The following SYNE1 variants were observed in gnomAD, a reference collection of about 807,000 sequenced individuals.
SYNE1 encodes nesprin-1.
A neutral mutation model predicts 1,111.0 loss-of-function variants in SYNE1; 616 were observed. That is an observed-to-expected ratio of 0.55 (90% confidence interval 0.52 to 0.59). The LOEUF is 0.59. Ranked by LOEUF, SYNE1 falls within the 20% of genes least tolerant of loss-of-function variation. The probability of loss-of-function intolerance (pLI) is 0.00; values close to 1 mark genes in which losing one functional copy is unlikely to be tolerated. For missense variants in SYNE1, 10,006 were observed against 10,417.0 expected, an observed-to-expected ratio of 0.96 and a Z score of 1.72; for synonymous variants, 3,855 against 3,825.8, an observed-to-expected ratio of 1.01 and a Z score of -0.28.
chr6:152,577,460 G>A (rs1231656727), intron 3 of SYNE1, among the ~76,000 whole-genome samples: 1 of 152,054 alleles, frequency 6.6e-6, no homozygotes, highest in Non-Finnish European at 1.5e-5. Context: ...GTGAAACCCC[G>A]TCTCTACTAA....
chr6:152,513,883 A>G (rs1426881951), intron 6 of SYNE1, among the ~76,000 whole-genome samples: 2 of 152,206 alleles, frequency 1.3e-5, no homozygotes, highest in Non-Finnish European at 2.9e-5. Context: ...AAAAAAGCTC[A>G]TCATCACTGG....
At chr6:152,609,048 A>G (rs1427727582) in intron 3 of SYNE1, among the ~76,000 whole-genome samples, 1 of 152,120 alleles carries the variant, frequency 6.6e-6, no homozygotes. Context: ...TCCCAGAGTG[A>G]TCGACACAGA....
rs2098917956 is a variant in SYNE1, at chr6:152,483,097, A to G, written c.1338T>C (p.Leu446=). 12 of 1,614,150 alleles carry G rather than the reference A, an allele frequency of 7.4e-6. No individual in the cohort carries two copies. Among genetic ancestry groups the G allele is most frequent in the Non-Finnish European group, 1.0e-5 (12 of 1,180,018 alleles). ...EETANTIQRK[L]EQHKDLLQNT... ...CCAGAATTTTTACCTTATGTTGCTC[A>G]AGTTTCCGTTGTATCGTGTTTGCTG... The change falls in exon 14 of 146, where the codon CTT becomes CTC. Residue 446 remains leucine, a synonymous_variant. Transcript: ENST00000367255.
At chr6:152,334,349 T>C (rs2096327571) in intron 76 of SYNE1, 76 bp from the exon 77 acceptor site, 12 of 1,522,832 alleles carry the variant, frequency 7.9e-6, no homozygotes, top group Non-Finnish European at 1.1e-5. Flanking sequence ...AACACAGACA[T>C]AAGACCTTTA....
chr6:152,544,009 C>T (rs1185867666), intron 3 of SYNE1, among the ~76,000 whole-genome samples: 1 of 152,196 alleles, frequency 6.6e-6, no homozygotes, highest in African/African-American at 2.4e-5. Context: ...TTAAGCTACA[C>T]ATGACTTTAT....
At position 152,566,777 on chromosome 6, in the gene SYNE1, C is replaced by T. The variant is rs1042491061; in HGVS notation, c.68-26756G>A. Among the ~76,000 whole-genome samples the T allele has an allele frequency of 3.3e-5, 5 of 152,274 alleles. No individual in the cohort carries two copies. In the South Asian group the frequency reaches 8.3e-4, roughly 25 times the overall value. On this transcript the variant is annotated intron_variant, in intron 3 of 145. Transcript: ENST00000367255. ...ACAACCGCAGTTGTAAGAGTGACTT[C>T]CATTATTTAAGGGCCTAATCTCGGG...
Position 152,436,116 on chromosome 6 carries a change from A to G in SYNE1, c.4150-15T>C. The G allele has an allele frequency of 1.2e-6, 2 of 1,613,306 alleles. No individual in the cohort carries two copies. The highest frequency in any genetic ancestry group is 2.7e-5 in the African/African-American group (2 of 74,988). On this transcript the variant is annotated splice_polypyrimidine_tract_variant and intron_variant, in intron 32 of 145. Transcript: ENST00000367255. Reference sequence around the variant, plus strand: ...TTAGAAAACTCCTAGAAAAAATATTATGATCATTAGGTAGGCACTTTATAT... The same window carrying G: ...TTAGAAAACTCCTAGAAAAAATATTGTGATCATTAGGTAGGCACTTTATAT...
chr6:152,148,438 G>T lies in SYNE1; in HGVS notation c.24643-60C>A. The T allele has an allele frequency of 6.6e-7, 1 of 1,514,156 alleles. No individual in the cohort carries two copies. 93.8% of individuals were successfully genotyped at this position (1,514,156 alleles called of 1,614,324 possible). ...GTGGTCAGACTAGCTTCTTATCTGG[G>T]CCACCTGCCTACCATGTGGGGACAA... On this transcript the variant is annotated intron_variant, in intron 136 of 145. Transcript: ENST00000367255. The surrounding 1 kb of genome is among the most constrained non-coding windows in gnomAD (Gnocchi z 4.1).
intron 16 of SYNE1, among the ~76,000 whole-genome samples, chr6:152,466,329 G>T (rs1022191071): frequency 2.0e-5 from 3 of 152,126 alleles, no homozygotes; most frequent in Admixed American, 6.6e-5. Context: ...CCAACCAAGG[G>T]TTTGCTTTTT....
rs112266645 is a variant in SYNE1 at position 152,330,822 on chromosome 6, C to A, written c.13863G>T (p.Thr4621=). The change falls in exon 78 of 146, where the codon ACG becomes ACT. Residue 4621 remains threonine (T), a synonymous_variant. Transcript: ENST00000367255. The stretch of plus-strand genomic sequence containing the variant: ...ATATGGTCTGCCCAGTTCTCTGCAG[C>A]GTAAGTAGAAGATTTTCATATTCTG... The part of the protein sequence containing the change: ...QSPEYENLLL[T]LQRTGQTILP... 6.2e-7 allele frequency: 1 copy of A among 1,613,894 alleles called. No individual in the cohort carries two copies. Among genetic ancestry groups the A allele is most frequent in the South Asian group, 1.1e-5 (1 of 91,080 alleles).
rs1219773611 is a variant in SYNE1 at position 152,412,736 on chromosome 6, A to G, written c.6230+616T>C. ...TTTAGTGTGTTTAAATTATACCTCA[A>G]TTACAAACAAGTACAACAAAACAAA... On this transcript the variant is annotated intron_variant, in intron 42 of 145. Transcript: ENST00000367255. 1.1e-4 allele frequency among the ~76,000 whole-genome samples: 16 copies of G among 143,472 alleles called. 1 individual carries two copies. Among genetic ancestry groups the G allele is most frequent in the Non-Finnish European group, 6.0e-5 (4 of 66,842 alleles). The allele number at this position is 143,472 out of a possible 152,430, so 94.1% of individuals were successfully genotyped here.
chr6:152,520,362 C>G, intron 6 of SYNE1, 97 bp downstream of exon 6: 1 of 1,130,284 alleles, frequency 8.8e-7, no homozygotes, highest in Non-Finnish European at 1.3e-6. Context: ...AGATTACATG[C>G]CATCCTCCTA....
intron 48 of SYNE1, 152 bp downstream of exon 48, chr6:152,399,464 C>A: frequency 3.3e-6 from 3 of 917,080 alleles, no homozygotes; most frequent in Non-Finnish European, 5.4e-6. Context: ...TCCAGCACAG[C>A]ACTTCTATTG....
rs1261087337 is a variant in SYNE1 at position 152,461,582 on chromosome 6, A to T, written c.2394+15T>A. 11 of 1,613,950 alleles carry T rather than the reference A, an allele frequency of 6.8e-6. No homozygotes were observed. Among genetic ancestry groups the T allele is most frequent in the Non-Finnish European group, 9.3e-6 (11 of 1,179,880 alleles). On this transcript the variant is annotated intron_variant, in intron 21 of 145. Coordinates refer to ENST00000367255, the MANE Select transcript of SYNE1 (RefSeq NM_182961.4). Reference sequence around the variant, plus strand: ...GGTGTCACACAGCCTATTGTGCATTAAATTATTTTCGCACCTTGGTTAGCT... The same window carrying T: ...GGTGTCACACAGCCTATTGTGCATTTAATTATTTTCGCACCTTGGTTAGCT...
At chr6:152,263,712 G>C (rs1484434281) in intron 100 of SYNE1, among the ~76,000 whole-genome samples, 6 of 151,928 alleles carry the variant, frequency 3.9e-5, no homozygotes, top group African/African-American at 1.5e-4. Flanking sequence ...TTAACTTTTA[G>C]AGTGAGACAG....
intron 14 of SYNE1, among the ~76,000 whole-genome samples, chr6:152,482,385 G>A (rs996946680): frequency 6.6e-6 from 1 of 152,142 alleles, no homozygotes; most frequent in Non-Finnish European, 1.5e-5. Context: ...TTGCCCATGT[G>A]TAGTCAGGAG....
chr6:152,326,161 G>A, intron 79 of SYNE1, 59 bp from the exon 80 acceptor site: 1 of 1,613,454 alleles, frequency 6.2e-7, no homozygotes, highest in East Asian at 2.2e-5. Flanking sequence ...TCTACACGAA[G>A]CTCTGGTGTC....
chr6:152,427,295 C>T (rs1309813716), intron 38 of SYNE1, among the ~76,000 whole-genome samples: 1 of 152,128 alleles, frequency 6.6e-6, no homozygotes, highest in Non-Finnish European at 1.5e-5. Context: ...CCCTTTATTG[C>T]CCAAACGTCA....
intron 41 of SYNE1, among the ~76,000 whole-genome samples, chr6:152,416,132 T>C (rs111969298): frequency 1.6e-4 from 25 of 152,314 alleles, no homozygotes; most frequent in African/African-American, 6.0e-4. Flanking sequence ...GCACTTTACC[T>C]AAGACAAGGT....
Sources: gnomAD v4.1 joint callset for allele counts (sites outside exome capture counted in the v4.1 genomes callset) on GRCh38, gnomAD v4.1.1 for gene constraint, Gnocchi (gnomAD v3.1) non-coding constraint, MANE v1.5 for transcripts, NCBI Gene and HGNC (gene_info 2026-07-23, HGNC 2026-07-21) for gene names.